The following ARID5B variants were observed in gnomAD, a reference collection of about 807,000 sequenced individuals.
ARID5B encodes the protein AT-rich interaction domain 5B, also known as AT-rich interactive domain-containing protein 5B.
A neutral mutation model predicts 97.2 loss-of-function variants in ARID5B; 13 were observed. The ratio of observed to expected loss-of-function variants is 0.13; its 90% CI spans 0.09 to 0.21. ARID5B has a LOEUF of 0.21. Ranked by LOEUF, ARID5B falls within the 10% of genes least tolerant of loss-of-function variation. ARID5B has a pLI of 1.00. For synonymous variants in ARID5B, 556 were observed against 570.3 expected (o/e 0.97, Z 0.36); for missense variants, 1,210 against 1,465.3 (o/e 0.83, Z 2.84).
intron 4 of ARID5B, among the ~76,000 whole-genome samples, chr10:62,003,299 T>G (rs1027187341): frequency 3.3e-5 from 5 of 152,036 alleles, no homozygotes; most frequent in African/African-American, 9.7e-5. Flanking sequence ...ATTTGATGAG[T>G]GTTGCAGAAA....
intron 3 of ARID5B, among the ~76,000 whole-genome samples, chr10:61,993,320 T>TTGA (rs1304095443): frequency 2.6e-5 from 4 of 152,160 alleles, no homozygotes; most frequent in African/African-American, 7.2e-5. Flanking sequence ...TAACCACGAA[T>TTGA]TGATAAAGTT....
chr10:62,019,206 T>C (rs1418363751), intron 4 of ARID5B, among the ~76,000 whole-genome samples: 1 of 152,216 alleles, frequency 6.6e-6, no homozygotes, highest in Non-Finnish European at 1.5e-5. Flanking sequence ...TGTTAGAATA[T>C]GGTCACATTC....
chr10:61,904,206 A>G (rs1843670760), intron 2 of ARID5B, among the ~76,000 whole-genome samples: 1 of 152,098 alleles, frequency 6.6e-6, no homozygotes, highest in African/African-American at 2.4e-5. Flanking sequence ...CTGGTGCTTA[A>G]CAGACTTCTG....
At position 62,000,863 on chromosome 10, in the gene ARID5B, AGATAGATAGAT is replaced by A. The variant is rs1839069492; in HGVS notation, c.733+548_733+558del. Among the ~76,000 whole-genome samples the A allele has an allele frequency of 6.6e-6, 1 of 151,984 alleles. No homozygotes were observed. Among genetic ancestry groups the A allele is most frequent in the Admixed American group, 6.6e-5 (1 of 15,262 alleles). On this transcript the variant is annotated intron_variant, in intron 4 of 9. Coordinates refer to ENST00000279873, the MANE Select transcript of ARID5B (RefSeq NM_032199.3). The surrounding 1 kb of genome is among the most constrained non-coding windows in gnomAD (Gnocchi z 4.4). ...TAGATAGATAGATAGATAGATAGAT[AGATAGATAGAT>A]GATAGGTGATAGATATCCATGTCCT...
At chr10:62,004,927 A>G (rs1048335354) in intron 4 of ARID5B, among the ~76,000 whole-genome samples, 4 of 152,244 alleles carry the variant, frequency 2.6e-5, no homozygotes, top group East Asian at 1.9e-4. Flanking sequence ...GATGAAATCA[A>G]TTATTCAAGG....
intron 7 of ARID5B, among the ~76,000 whole-genome samples, chr10:62,064,556 A>G (rs1839961263): frequency 6.6e-6 from 1 of 152,230 alleles, no homozygotes; most frequent in Admixed American, 6.5e-5. Flanking sequence ...CAAGGCTCCA[A>G]GAGCATGTCT....
intron 2 of ARID5B, among the ~76,000 whole-genome samples, chr10:61,903,938 T>C (rs1843665234): frequency 6.7e-6 from 1 of 149,172 alleles, no homozygotes. Flanking sequence ...ATGTTCATAT[T>C]TCCCGACGTC....
chr10:61,922,891 T>C (rs1168588834), intron 2 of ARID5B, among the ~76,000 whole-genome samples: 1 of 152,234 alleles, frequency 6.6e-6, no homozygotes, highest in African/African-American at 2.4e-5. Flanking sequence ...CAGTTTGGTC[T>C]TCAGCAAAGT....
At chr10:62,018,296 C>G (rs1373285183) in intron 4 of ARID5B, among the ~76,000 whole-genome samples, 1 of 152,188 alleles carries the variant, frequency 6.6e-6, no homozygotes, top group East Asian at 1.9e-4. Context: ...GAAATCACTT[C>G]TGCTGCTCTT....
chr10:62,008,060 C>A (rs1839168711), intron 4 of ARID5B, among the ~76,000 whole-genome samples: 1 of 101,386 alleles, frequency 9.9e-6, no homozygotes, highest in South Asian at 3.1e-4. Context: ...CCCCGCCCCA[C>A]AACACACACA....
chr10:61,932,163 C>A (rs1844221051), intron 2 of ARID5B, among the ~76,000 whole-genome samples: 1 of 152,130 alleles, frequency 6.6e-6, no homozygotes, highest in Non-Finnish European at 1.5e-5. Flanking sequence ...ATAAAAGTTA[C>A]ATTTACACCA....
Position 62,091,125 on chromosome 10 carries a change from C to T in ARID5B, c.1662C>T (p.Ala554=). 1 of 1,614,174 alleles carries T rather than the reference C, an allele frequency of 6.2e-7. No homozygotes were observed. Among genetic ancestry groups the T allele is most frequent in the Non-Finnish European group, 8.5e-7 (1 of 1,180,030 alleles). ...CTCTGGCCCCAGAAAAAGATTCAGCCTTGGTCCCTGGGGCCAGCAAACAGC... is the reference window on the plus strand; with the variant it reads ...CTCTGGCCCCAGAAAAAGATTCAGCTTTGGTCCCTGGGGCCAGCAAACAGC... ...SAPLAPEKDS[A]LVPGASKQPL... is the part of the protein sequence containing the mutation. The change falls in exon 10 of 10, where the codon GCC becomes GCT. Residue 554 remains alanine (A), a synonymous_variant. Coordinates refer to ENST00000279873, the MANE Select transcript of ARID5B (RefSeq NM_032199.3).
At chr10:61,902,540 A>T in intron 2 of ARID5B, 127 bp downstream of exon 2, 1 of 1,317,216 alleles carries the variant, frequency 7.6e-7, no homozygotes, top group Middle Eastern at 2.0e-4. Context: ...CCTTTTTTAA[A>T]GGGGTAGCGC....
At chr10:62,061,516 G>A (rs896439518) in intron 7 of ARID5B, among the ~76,000 whole-genome samples, 1 of 152,180 alleles carries the variant, frequency 6.6e-6, no homozygotes, top group Non-Finnish European at 1.5e-5. Flanking sequence ...AAAGTCCTCC[G>A]ATGCTAGCTC....
intron 3 of ARID5B, among the ~76,000 whole-genome samples, chr10:61,943,478 C>CG (rs372343365): frequency 1.0e-4 from 15 of 149,830 alleles, no homozygotes; most frequent in African/African-American, 2.0e-4. Flanking sequence ...AGGCCCCCCC[C>CG]CTTTTTTTCT....
chr10:61,963,884 C>T (rs1838508229), intron 3 of ARID5B, among the ~76,000 whole-genome samples: 1 of 152,012 alleles, frequency 6.6e-6, no homozygotes, highest in African/African-American at 2.4e-5. Flanking sequence ...GCCTTGGCAT[C>T]ATTAGCAACT....
chr10:61,929,212 C>A (rs1193571087), intron 2 of ARID5B, among the ~76,000 whole-genome samples: 1 of 152,172 alleles, frequency 6.6e-6, no homozygotes, highest in Non-Finnish European at 1.5e-5. Flanking sequence ...TTAGCTAATA[C>A]CTCATATTGT....
At chr10:61,910,540 A>G (rs1404932547) in intron 2 of ARID5B, among the ~76,000 whole-genome samples, 1 of 152,208 alleles carries the variant, frequency 6.6e-6, no homozygotes, top group Admixed American at 6.5e-5. Flanking sequence ...CACAAATCCA[A>G]GGATGCATTT....
intron 4 of ARID5B, among the ~76,000 whole-genome samples, chr10:62,029,536 A>T (rs570612927): frequency 4.3e-4 from 66 of 152,360 alleles, no homozygotes; most frequent in African/African-American, 1.4e-3. Context: ...GCTAGTGCTT[A>T]TATACTACTT....
Sources: allele counts gnomAD v4.1 joint callset (sites outside exome capture counted in the v4.1 genomes callset), GRCh38; gene constraint gnomAD v4.1.1; non-coding constraint Gnocchi (gnomAD v3.1); transcripts MANE v1.5; gene names NCBI Gene and HGNC (gene_info 2026-07-23, HGNC 2026-07-21).